Variants in PRELID2 observed in about 807,000 individuals in gnomAD.
The protein encoded by PRELID2 is PRELI domain-containing protein 2.
A neutral mutation model predicts 28.4 loss-of-function variants in PRELID2; 25 were observed. The ratio of observed to expected loss-of-function variants is 0.88; its 90% CI spans 0.64 to 1.23. The LOEUF (loss-of-function observed/expected upper bound fraction) is 1.23, where lower values mean the gene tolerates loss of function less well. Among genes scored for constraint, PRELID2 ranks in the 50% most tolerant of loss-of-function variants. The pLI is 0.00. For synonymous variants in PRELID2, 76 were observed against 71.6 expected (o/e 1.06, Z -0.31); for missense variants, 201 against 214.4 (o/e 0.94, Z 0.39).
intron 1 of PRELID2, among the ~76,000 whole-genome samples, chr5:145,704,625 T>C (rs1424529137): frequency 6.6e-6 from 1 of 152,250 alleles, no homozygotes; most frequent in Non-Finnish European, 1.5e-5. Context: ...TTCCTCTTAA[T>C]GTCCCCCAGT....
At chr5:145,345,923 C>G in the PRELID2 span, among the ~76,000 whole-genome samples, 51 of 152,006 alleles carry the variant, frequency 3.4e-4, 1 homozygote, top group African/African-American at 1.2e-3. Context: ...TTTATCCCAA[C>G]TTTCAGATAT....
chr5:145,558,404 T>G (rs1333268243), intron 1 of PRELID2, among the ~76,000 whole-genome samples: 1 of 152,234 alleles, frequency 6.6e-6, no homozygotes, highest in Non-Finnish European at 1.5e-5. Flanking sequence ...ATGGATAACC[T>G]TCTTATTAGC....
chr5:145,812,935 A>T (rs552827301), intron 4 of PRELID2, among the ~76,000 whole-genome samples: 2 of 152,250 alleles, frequency 1.3e-5, no homozygotes, highest in African/African-American at 4.8e-5. Context: ...GGAAAGCCCA[A>T]TGTAGTTCTC....
At chr5:145,451,267 CAT>C in the PRELID2 span, among the ~76,000 whole-genome samples, 2 of 152,168 alleles carry the variant, frequency 1.3e-5, no homozygotes, top group African/African-American at 2.4e-5. Flanking sequence ...GTCATTCACA[CAT>C]GTGTCCTCAC....
At chr5:145,334,149 G>A in the PRELID2 span, among the ~76,000 whole-genome samples, 1 of 152,120 alleles carries the variant, frequency 6.6e-6, no homozygotes, top group Non-Finnish European at 1.5e-5. Context: ...ACCTCAGCTG[G>A]AAATGCAGAA....
At chr5:145,724,602 T>TAC (rs1456879116) in intron 1 of PRELID2, among the ~76,000 whole-genome samples, 1 of 27,810 alleles carries the variant, frequency 3.6e-5, no homozygotes, top group Non-Finnish European at 5.7e-5. Context: ...AGTAAATAAA[T>TAC]ATATATATAT....
chr5:145,362,811 G>T, the PRELID2 span, among the ~76,000 whole-genome samples: 3 of 151,996 alleles, frequency 2.0e-5, no homozygotes, highest in African/African-American at 4.8e-5. Flanking sequence ...ATGGTGTTTT[G>T]GCTGCCATGA....
At position 145,579,543 on chromosome 5, in the gene PRELID2, TA is replaced by T. The variant is rs546096111; in HGVS notation, n.71-106229del. On this transcript the variant is annotated intron_variant and non_coding_transcript_variant, in intron 1 of 2. Transcript: ENST00000510259. ...TCAAGTTTCAGGTTTATTGAATACA[TA>T]ATTTAACTATGTGGCCTGCATCCAT... Among the ~76,000 whole-genome samples, 342 of 152,232 alleles carry T rather than the reference TA, an allele frequency of 2.2e-3. 3 individuals are homozygous for T. Among genetic ancestry groups the T allele is most frequent in the Admixed American group, 3.9e-3 (59 of 15,252 alleles).
At chr5:145,744,645 A>C (rs1756938736) in intron 1 of PRELID2, among the ~76,000 whole-genome samples, 1 of 152,192 alleles carries the variant, frequency 6.6e-6, no homozygotes, top group African/African-American at 2.4e-5. Flanking sequence ...AAAAACAAAC[A>C]GAAAGCAACA....
chr5:145,292,839 C>A, the PRELID2 span, among the ~76,000 whole-genome samples: 1 of 152,114 alleles, frequency 6.6e-6, no homozygotes, highest in Non-Finnish European at 1.5e-5. Flanking sequence ...TTCCAGGTAG[C>A]TGGGACTACA....
intron 1 of PRELID2, chr5:145,728,279 T>C (rs903907271): frequency 4.6e-5 from 12 of 263,584 alleles, no homozygotes; most frequent in Middle Eastern, 1.1e-3. Context: ...GTCCCTATGA[T>C]ACCTGTTAGT....
the PRELID2 span, among the ~76,000 whole-genome samples, chr5:145,444,792 C>A: frequency 6.6e-6 from 1 of 151,908 alleles, no homozygotes; most frequent in African/African-American, 2.4e-5. Context: ...ATATTAAGTG[C>A]CTATAATATG....
the PRELID2 span, among the ~76,000 whole-genome samples, chr5:145,325,651 C>A: frequency 6.6e-6 from 1 of 152,176 alleles, no homozygotes; most frequent in African/African-American, 2.4e-5. Context: ...TTACCCAAGA[C>A]CATACCAGCT....
At chr5:145,379,871 G>A in the PRELID2 span, among the ~76,000 whole-genome samples, 11 of 152,116 alleles carry the variant, frequency 7.2e-5, no homozygotes, top group Admixed American at 5.2e-4. Flanking sequence ...CTTCAAGCAA[G>A]CATGTCCAGG....
At chr5:145,398,977 A>C in the PRELID2 span, among the ~76,000 whole-genome samples, 1 of 152,262 alleles carries the variant, frequency 6.6e-6, no homozygotes, top group Non-Finnish European at 1.5e-5. Context: ...AGTGAAGAAA[A>C]AACTTGATAT....
chr5:145,467,361 C>G (rs775745648), downstream of PRELID2, among the ~76,000 whole-genome samples: 2 of 151,952 alleles, frequency 1.3e-5, no homozygotes, highest in East Asian at 3.9e-4. Context: ...AGTCATAAAA[C>G]GACAACACTG....
At chr5:145,813,032 T>G (rs2149847699) in intron 4 of PRELID2, among the ~76,000 whole-genome samples, 1 of 152,290 alleles carries the variant, frequency 6.6e-6, no homozygotes, top group South Asian at 2.1e-4. Context: ...CAAGGCTTAG[T>G]TTCTAAAGGA....
the PRELID2 span, among the ~76,000 whole-genome samples, chr5:145,247,536 T>G: frequency 2.0e-5 from 3 of 152,116 alleles, no homozygotes; most frequent in Admixed American, 2.0e-4. Flanking sequence ...TTTTCTATGG[T>G]CTTCTGTCCT....
At chr5:145,481,623 C>CGAAAAAAAAAAA (rs1752160143) in intron 1 of PRELID2, among the ~76,000 whole-genome samples, 1 of 41,864 alleles carries the variant, frequency 2.4e-5, no homozygotes, top group Non-Finnish European at 3.8e-5. Flanking sequence ...GCAAGGAAAT[C>CGAAAAAAAAAAA]AAAAAAAAAA....
Sources: gnomAD v4.1 joint callset for allele counts (sites outside exome capture counted in the v4.1 genomes callset) on GRCh38, gnomAD v4.1.1 for gene constraint, MANE v1.5 for transcripts, NCBI Gene and HGNC (gene_info 2026-07-23, HGNC 2026-07-21) for gene names.